Variants in AIRE observed in about 807,000 individuals in gnomAD.
AIRE encodes autoimmune polyendocrinopathy candidiasis ectodermal dystrophy protein.
In AIRE, 52 loss-of-function variants were observed where a neutral mutation model predicts 62.1. The ratio of observed to expected loss-of-function variants is 0.84; its 90% CI spans 0.67 to 1.06. The LOEUF is 1.06. Among genes scored for constraint, AIRE ranks in the 50% least tolerant of loss-of-function variants. AIRE has a pLI of 0.00. For missense variants in AIRE, 774 were observed against 755.8 expected, an observed-to-expected ratio of 1.02 and a Z score of -0.28; for synonymous variants, 342 against 321.6, an observed-to-expected ratio of 1.06 and a Z score of -0.68.
rs145280112 is a variant in AIRE, at chr21:44,298,416, G to A, written c.*689G>A. On this transcript the variant is annotated 3_prime_UTR_variant, in exon 14 of 14. Transcript: ENST00000291582. ...TTTTGTGTCTGTCTTATTTTACTCA[G>A]CATGGTGGCCCCAAGGTTCATCCAT... 1 of 154,656 alleles carries A rather than the reference G, an allele frequency of 6.5e-6. No individual in the cohort carries two copies. The allele number at this position is 154,656 out of a possible 1,614,324, so 9.6% of individuals were successfully genotyped here. A position where few individuals can be genotyped will look rare whatever the true frequency, so the allele number is the denominator to read the frequency against.
In AIRE at chr21:44,297,153, C is replaced by A. The variant is rs1268461376; in HGVS notation, c.1567-503C>A. 6.6e-6 allele frequency among the ~76,000 whole-genome samples: 1 copy of A among 152,170 alleles called. No individual in the cohort carries two copies. The highest frequency in any genetic ancestry group is 6.5e-5 in the Admixed American group (1 of 15,282). ...GGCCCAGCGCTGGGTAATGGAGCTG[C>A]CCCTCTGGATGGGGTCCCCGGGTAT... is the stretch of plus-strand genomic sequence containing the variant. On this transcript the variant is annotated intron_variant, in intron 13 of 13. Transcript: ENST00000291582. This position sits in a 1 kb window ranked among gnomAD's most constrained non-coding sequence, Gnocchi z 4.8.
Position 44,297,933 on chromosome 21 carries a change from A to T in AIRE, c.*206A>T, listed in dbSNP as rs2040628351. 3.4e-6 allele frequency: 2 copies of T among 594,140 alleles called. No individual in the cohort carries two copies. Among genetic ancestry groups the T allele is most frequent in the Non-Finnish European group, 6.1e-6 (2 of 328,536 alleles). 36.8% of individuals were successfully genotyped at this position (594,140 alleles called of 1,614,324 possible). A position where few individuals can be genotyped will look rare whatever the true frequency, so the allele number is the denominator to read the frequency against. On this transcript the variant is annotated 3_prime_UTR_variant, in exon 14 of 14. Transcript: ENST00000291582. The surrounding 1 kb of genome is among the most constrained non-coding windows in gnomAD (Gnocchi z 4.8). ...ACCCTGCCCCACTTCTCTACTCTGG[A>T]AGTCCCCGGGAGCCTCTCCTTGCCT...
At chr21:44,290,540 C>A in intron 7 of AIRE, 1 of 816,430 alleles carries the variant, frequency 1.2e-6, no homozygotes, top group Non-Finnish European at 1.5e-6. Flanking sequence ...TGACAGGAGC[C>A]AGTCCTGCCC....
intron 5 of AIRE, 192 bp downstream of exon 5, chr21:44,288,650 C>A: frequency 6.9e-6 from 4 of 583,276 alleles, no homozygotes; most frequent in Non-Finnish European, 1.2e-5. Context: ...TGTCGGGGGA[C>A]CTTCTGCAAG....
At position 44,290,029 on chromosome 21, in the gene AIRE, C is replaced by T. The variant is rs772423300; in HGVS notation, c.840C>T (p.Pro280=). The T allele has an allele frequency of 8.7e-6, 14 of 1,611,638 alleles. No individual in the cohort carries two copies. Among genetic ancestry groups the T allele is most frequent in the South Asian group, 3.3e-5 (3 of 90,904 alleles). Residue 280 remains proline, a synonymous_variant, in exon 7 of 14, where the codon CCC becomes CCT. Coordinates refer to ENST00000291582, the MANE Select transcript of AIRE (RefSeq NM_000383.4). ...GGCTGGGCCAGCAGGGCAGCGTTCC[C>T]GCCCCTCTGGCCCTCCCCAGTGACC... ...EARLGQQGSV[P]APLALPSDPQ... is the part of the protein sequence containing the mutation.
In AIRE at chr21:44,297,804, G is replaced by A. The variant is rs936845477; in HGVS notation, c.*77G>A. 2.0e-5 allele frequency: 28 copies of A among 1,431,064 alleles called. No homozygotes were observed. Among genetic ancestry groups the A allele is most frequent in the Non-Finnish European group, 2.5e-5 (26 of 1,030,606 alleles). 88.6% of individuals were successfully genotyped at this position (1,431,064 alleles called of 1,614,324 possible). Reference sequence around the variant, plus strand: ...CCTCCTTCCTCAGTCCTGGAAGCCGGCCGGCTGGGATCAAGAAGGGGACAG... The same window carrying A: ...CCTCCTTCCTCAGTCCTGGAAGCCGACCGGCTGGGATCAAGAAGGGGACAG... On this transcript the variant is annotated 3_prime_UTR_variant, in exon 14 of 14. Transcript: ENST00000291582. This position sits in a 1 kb window ranked among gnomAD's most constrained non-coding sequence, Gnocchi z 4.8.
rs1236850453 is a variant in AIRE, at chr21:44,297,048, G to A, written c.1566+603G>A. 2.6e-5 allele frequency among the ~76,000 whole-genome samples: 4 copies of A among 152,190 alleles called. No homozygotes were observed. The highest frequency in any genetic ancestry group is 6.5e-5 in the Admixed American group (1 of 15,284). On this transcript the variant is annotated intron_variant, in intron 13 of 13. Transcript: ENST00000291582. The surrounding 1 kb of genome is among the most constrained non-coding windows in gnomAD (Gnocchi z 4.8). Reference sequence around the variant, plus strand: ...CAGCTGACCATGGGGCAGGGGTTCTGCCCTGTGCAGTGGCCGTGCCCCACA... The same window carrying A: ...CAGCTGACCATGGGGCAGGGGTTCTACCCTGTGCAGTGGCCGTGCCCCACA...
Position 44,286,093 on chromosome 21 carries a change from G to A in AIRE, c.87G>A (p.Leu29=), listed in dbSNP as rs2146375160. The part of the protein sequence containing the change: ...AVAVDSAFPL[L]HALADHDVVP... ...CCGTGGACAGCGCCTTCCCACTGCT[G>A]CACGCGCTGGCTGACCACGACGTGG... is the stretch of plus-strand genomic sequence containing the variant. Residue 29 remains leucine (L), a synonymous_variant, in exon 1 of 14, where the codon CTG becomes CTA. Coordinates refer to ENST00000291582, the MANE Select transcript of AIRE (RefSeq NM_000383.4). The surrounding 1 kb of genome is among the most constrained non-coding windows in gnomAD (Gnocchi z 6.0). 3 of 1,546,370 alleles carry A rather than the reference G, an allele frequency of 1.9e-6. No individual in the cohort carries two copies. Among genetic ancestry groups the A allele is most frequent in the Non-Finnish European group, 1.7e-6 (2 of 1,146,568 alleles).
Position 44,286,705 on chromosome 21 carries a change from A to C in AIRE, c.281A>C (p.Gln94Pro). ...AACCTGGAGCGCTATGGCCGGCTGC[A>C]GCCCATCCTGGACAGCTTCCCCAAA... ...DYNLERYGRL[Q>P]PILDSFPKDV... The change falls in exon 2 of 14, where the codon CAG (glutamine) becomes CCG (proline). Residue 94 changes from glutamine to proline, a missense_variant. Coordinates refer to ENST00000291582, the MANE Select transcript of AIRE (RefSeq NM_000383.4). The surrounding 1 kb of genome is among the most constrained non-coding windows in gnomAD (Gnocchi z 6.0). 1 of 1,612,992 alleles carries C rather than the reference A, an allele frequency of 6.2e-7. No individual in the cohort carries two copies. Among genetic ancestry groups the C allele is most frequent in the Non-Finnish European group, 8.5e-7 (1 of 1,180,010 alleles).
chr21:44,295,647 C>T (rs942700391), intron 12 of AIRE, among the ~76,000 whole-genome samples: 1 of 152,208 alleles, frequency 6.6e-6, no homozygotes, highest in Non-Finnish European at 1.5e-5. Flanking sequence ...AAATGTAACG[C>T]CATGTCAGAG....
chr21:44,292,938 G>A (rs1043384020), intron 9 of AIRE, 55 bp from the exon 10 acceptor site: 8 of 1,554,380 alleles, frequency 5.1e-6, no homozygotes, highest in Non-Finnish European at 7.1e-6. Context: ...ACTGACTCCT[G>A]GGTGGTGCCG....
rs1057104935 is a variant in AIRE at position 44,292,298 on chromosome 21, G to A, written c.996-4G>A. ...ATGTCTCTGACTGGTGGACACACGA[G>A]CAGTGGGACCTGGAGGTGCTCCAGC... On this transcript the variant is annotated splice_polypyrimidine_tract_variant and splice_region_variant and intron_variant, in intron 8 of 13. Transcript: ENST00000291582. 7 of 1,569,272 alleles carry A rather than the reference G, an allele frequency of 4.5e-6. No homozygotes were observed. In the South Asian group the frequency reaches 5.9e-5, roughly 13 times the overall value.
At position 44,294,473 on chromosome 21, in the gene AIRE, C is replaced by A. The variant is rs761718813; in HGVS notation, c.1473C>A (p.Ser491Arg). The A allele has an allele frequency of 3.2e-6, 5 of 1,546,462 alleles. No homozygotes were observed. In the East Asian group the frequency reaches 9.4e-5, roughly 29 times the overall value. ...PAPVEGVLAP[S>R]PARLAPGPAK... The stretch of plus-strand genomic sequence containing the variant: ...CTGTGGAGGGGGTGCTGGCCCCCAG[C>A]CCCGCCCGCCTGGCCCCTGGGCCTG... The change falls in exon 12 of 14, where the codon AGC (serine) becomes AGA (arginine). Residue 491 changes from serine to arginine, a missense_variant. Physicochemically the swap from Ser to Arg is moderately radical, Grantham distance 110. Coordinates refer to ENST00000291582, the MANE Select transcript of AIRE (RefSeq NM_000383.4).
intron 5 of AIRE, 182 bp downstream of exon 5, chr21:44,288,640 T>C (rs762238342): frequency 4.2e-4 from 249 of 590,094 alleles, no homozygotes; most frequent in Non-Finnish European, 6.2e-4. Flanking sequence ...GAAGTCTCCC[T>C]GTCGGGGGAC....
chr21:44,296,099 C>G (rs2040604153), intron 12 of AIRE, among the ~76,000 whole-genome samples: 1 of 152,196 alleles, frequency 6.6e-6, no homozygotes, highest in South Asian at 2.1e-4. Flanking sequence ...CAGAGTGGGA[C>G]TCCTTGCTGG....
chr21:44,296,664 C>A (rs1279943731), intron 13 of AIRE, among the ~76,000 whole-genome samples: 2 of 150,904 alleles, frequency 1.3e-5, no homozygotes, highest in African/African-American at 4.9e-5. Context: ...GAGCCCCCCC[C>A]GGCCCCTCCC....
Position 44,292,859 on chromosome 21 carries a change from C to T in AIRE, c.1096-134C>T, listed in dbSNP as rs140807789. 380 of 732,600 alleles carry T rather than the reference C, an allele frequency of 5.2e-4. No individual in the cohort carries two copies. The African/African-American group carries it at 5.9e-3, about 11-fold the overall frequency. The allele number at this position is 732,600 out of a possible 1,614,324, so 45.4% of individuals were successfully genotyped here. On this transcript the variant is annotated intron_variant, in intron 9 of 13. Transcript: ENST00000291582. ...GTGTGGACGCCTTCCACCATGCCAG[C>T]CCTCCGCCCCCACCATGCCAGGCCT...
intron 12 of AIRE, 28 bp downstream of exon 12, chr21:44,294,531 T>C: frequency 7.8e-7 from 1 of 1,284,626 alleles, no homozygotes; most frequent in Non-Finnish European, 1.0e-6. Context: ...CCTCCATGCA[T>C]GCCGGTGCTG....
rs370382295 is a variant in AIRE at position 44,296,365 on chromosome 21, C to T, written c.1504-18C>T. 1.9e-6 allele frequency: 3 copies of T among 1,610,438 alleles called. No individual in the cohort carries two copies. Among genetic ancestry groups the T allele is most frequent in the Non-Finnish European group, 2.5e-6 (3 of 1,178,030 alleles). ...GCTGTGGGAGTTGGGCTGACCTCTTCTCTTTACTGGGTTCCAGGATGACAC... is the reference window on the plus strand; with the variant it reads ...GCTGTGGGAGTTGGGCTGACCTCTTTTCTTTACTGGGTTCCAGGATGACAC... On this transcript the variant is annotated intron_variant, in intron 12 of 13. Coordinates refer to ENST00000291582, the MANE Select transcript of AIRE (RefSeq NM_000383.4).
Sources: allele counts gnomAD v4.1 joint callset (sites outside exome capture counted in the v4.1 genomes callset), GRCh38; gene constraint gnomAD v4.1.1; non-coding constraint Gnocchi (gnomAD v3.1); transcripts MANE v1.5; gene names NCBI Gene and HGNC (gene_info 2026-07-23, HGNC 2026-07-21).